OSBP2: variants seen among roughly 807,000 people sequenced by gnomAD.
OSBP2 encodes the protein oxysterol-binding protein 2.
Under a neutral mutation model 96.0 loss-of-function variants are expected in OSBP2, and 66 were observed. The observed-to-expected ratio is 0.69, with a 90% confidence interval of 0.56 to 0.84. OSBP2 has a LOEUF of 0.84. OSBP2 is among the 40% of genes least tolerant of loss of function. The pLI is 0.00. For synonymous variants in OSBP2, 525 were observed against 520.9 expected (o/e 1.01, Z -0.11); for missense variants, 1,038 against 1,222.7 (o/e 0.85, Z 2.25).
intron 2 of OSBP2, among the ~76,000 whole-genome samples, chr22:30,778,303 GCACACACACACACACA>G (rs34574171): frequency 1.4e-5 from 2 of 146,528 alleles, no homozygotes; most frequent in South Asian, 4.4e-4. Context: ...GTGTGCATGT[GCACACACACACACACA>G]CACACACACA....
intron 2 of OSBP2, among the ~76,000 whole-genome samples, chr22:30,839,689 G>A (rs2038707861): frequency 6.7e-6 from 1 of 150,316 alleles, no homozygotes; most frequent in Non-Finnish European, 1.5e-5. Context: ...TTTTTGATGG[G>A]GTTGTTTTTT....
At chr22:30,905,514 G>GA (rs549650976) in intron 12 of OSBP2, among the ~76,000 whole-genome samples, 37 of 150,586 alleles carry the variant, frequency 2.5e-4, no homozygotes, top group Admixed American at 1.4e-3. Flanking sequence ...AAAAGAAGAA[G>GA]AAAAAAAAAC....
chr22:30,858,654 A>G, intron 2 of OSBP2, among the ~76,000 whole-genome samples: 1 of 151,204 alleles, frequency 6.6e-6, no homozygotes. Context: ...TGAGGCGGGC[A>G]AATCACCTGA....
chr22:30,705,387 G>T (rs543163750), intron 1 of OSBP2, among the ~76,000 whole-genome samples: 1 of 151,976 alleles, frequency 6.6e-6, no homozygotes, highest in Admixed American at 6.6e-5. Flanking sequence ...TCCGCCTCCC[G>T]GGTTTAAGCA....
At chr22:30,900,474 C>T (rs1173351549) in intron 12 of OSBP2, among the ~76,000 whole-genome samples, 4 of 151,948 alleles carry the variant, frequency 2.6e-5, no homozygotes, top group Non-Finnish European at 5.9e-5. Flanking sequence ...TAGGGACCTT[C>T]ATGGAACTTG....
intron 12 of OSBP2, among the ~76,000 whole-genome samples, chr22:30,905,159 T>G (rs1389407256): frequency 9.9e-6 from 1 of 101,128 alleles, no homozygotes; most frequent in East Asian, 4.7e-4. Flanking sequence ...TTTTTTTTTT[T>G]TTTTTAGACG....
chr22:30,757,240 C>T (rs557104943), intron 2 of OSBP2, among the ~76,000 whole-genome samples: 1 of 152,068 alleles, frequency 6.6e-6, no homozygotes, highest in Non-Finnish European at 1.5e-5. Context: ...AGAACAAAAC[C>T]AGATCCACAG....
intron 1 of OSBP2, among the ~76,000 whole-genome samples, chr22:30,719,889 A>G (rs2145701708): frequency 6.6e-6 from 1 of 152,240 alleles, no homozygotes; most frequent in African/African-American, 2.4e-5. Flanking sequence ...AACAACAACA[A>G]CAACAAAAAG....
At chr22:30,826,758 G>A (rs904273225) in intron 2 of OSBP2, among the ~76,000 whole-genome samples, 9 of 152,230 alleles carry the variant, frequency 5.9e-5, no homozygotes, top group Non-Finnish European at 1.2e-4. Context: ...AGGCTGAGGG[G>A]CAAGGAGCAT....
intron 2 of OSBP2, among the ~76,000 whole-genome samples, chr22:30,769,128 C>G (rs1047425916): frequency 1.1e-4 from 17 of 152,164 alleles, no homozygotes; most frequent in African/African-American, 3.9e-4. Flanking sequence ...TCTGAGGGGG[C>G]CCCTCGGTCA....
At chr22:30,719,124 C>T (rs1234116591) in intron 1 of OSBP2, among the ~76,000 whole-genome samples, 3 of 152,062 alleles carry the variant, frequency 2.0e-5, no homozygotes, top group Non-Finnish European at 4.4e-5. Flanking sequence ...TGCCTTCTCT[C>T]CAGCCTGTAC....
intron 2 of OSBP2, among the ~76,000 whole-genome samples, chr22:30,824,294 T>G (rs939994690): frequency 1.3e-5 from 2 of 152,140 alleles, no homozygotes; most frequent in Non-Finnish European, 2.9e-5. Flanking sequence ...GGCACTGTGC[T>G]TAGAACAGGG....
intron 1 of OSBP2, among the ~76,000 whole-genome samples, chr22:30,735,410 CTTTTTT>C (rs774749546): frequency 9.9e-6 from 1 of 100,596 alleles, no homozygotes; most frequent in Non-Finnish European, 2.0e-5. Flanking sequence ...TCTTCTCTCT[CTTTTTT>C]TTTTTTTTTT....
rs1003980492 is a variant in OSBP2 at position 30,907,647 on chromosome 22, A to C, written c.*1308A>C. On this transcript the variant is annotated 3_prime_UTR_variant, in exon 14 of 14. Transcript: ENST00000332585. The stretch of plus-strand genomic sequence containing the variant: ...TTTATATATATAAAAAAAAAAAGTG[A>C]AAACACCAATGTGTGAAATGCCTTA... The C allele has an allele frequency of 6.6e-6, 1 of 152,290 alleles. No individual in the cohort carries two copies. Among genetic ancestry groups the C allele is most frequent in the Non-Finnish European group, 1.5e-5 (1 of 67,976 alleles). The allele number at this position is 152,290 out of a possible 1,614,324, so 9.4% of individuals were successfully genotyped here.
intron 2 of OSBP2, among the ~76,000 whole-genome samples, chr22:30,777,370 C>T (rs779491898): frequency 1.3e-5 from 2 of 152,108 alleles, no homozygotes; most frequent in South Asian, 4.2e-4. Flanking sequence ...ATAAGTATCA[C>T]GAGATCTGAT....
chr22:30,903,459 A>G (rs763024204), intron 12 of OSBP2, among the ~76,000 whole-genome samples: 11 of 152,256 alleles, frequency 7.2e-5, no homozygotes, highest in Non-Finnish European at 1.3e-4. Context: ...GGATAGGCTC[A>G]CACGAGAAAC....
intron 2 of OSBP2, among the ~76,000 whole-genome samples, chr22:30,800,441 C>T (rs996302268): frequency 6.6e-6 from 1 of 152,174 alleles, no homozygotes; most frequent in Non-Finnish European, 1.5e-5. Context: ...CATGGACATG[C>T]TTCTGTCTTC....
chr22:30,699,966 CTTTTTTT>C (rs1015256785), intron 1 of OSBP2, among the ~76,000 whole-genome samples: 1 of 141,090 alleles, frequency 7.1e-6, no homozygotes. Context: ...TTCTTTTTTT[CTTTTTTT>C]TTTTTTTGAG....
chr22:30,748,731 G>A (rs889215159), intron 2 of OSBP2, among the ~76,000 whole-genome samples: 10 of 152,252 alleles, frequency 6.6e-5, no homozygotes, highest in Non-Finnish European at 1.5e-4. Context: ...GTCACAGAGT[G>A]AAGTTAAGAT....
Sources: allele counts gnomAD v4.1 joint callset (sites outside exome capture counted in the v4.1 genomes callset), GRCh38; gene constraint gnomAD v4.1.1; transcripts MANE v1.5; gene names NCBI Gene and HGNC (gene_info 2026-07-23, HGNC 2026-07-21).